The following CAPN14 variants were observed in gnomAD, a reference collection of about 807,000 sequenced individuals.
The protein encoded by CAPN14 is calpain 14, also known as calpain-14.
In CAPN14, 94 loss-of-function variants were observed where a neutral mutation model predicts 101.3. The observed-to-expected ratio is 0.93, with a 90% CI of 0.79 to 1.10. CAPN14 has a LOEUF of 1.10. Ranked by LOEUF, CAPN14 falls within the 50% of genes least tolerant of loss-of-function variation. CAPN14 has a pLI of 0.00. For synonymous variants in CAPN14, 338 were observed against 317.9 expected (o/e 1.06, Z -0.67); for missense variants, 837 against 828.4 (o/e 1.01, Z -0.13).
intron 16 of CAPN14, among the ~76,000 whole-genome samples, chr2:31,182,398 C>T (rs1314093561): frequency 6.8e-6 from 1 of 146,006 alleles, no homozygotes; most frequent in Non-Finnish European, 1.5e-5. Context: ...TCAAATTGTC[C>T]CTGTTTGCAG....
upstream of CAPN14, among the ~76,000 whole-genome samples, chr2:31,220,682 A>C (rs933642041): frequency 2.5e-4 from 38 of 152,214 alleles, no homozygotes; most frequent in African/African-American, 7.7e-4. Context: ...TGCACAAATT[A>C]GCTGGGTGTG....
intron 16 of CAPN14, among the ~76,000 whole-genome samples, chr2:31,183,386 A>G (rs2148675152): frequency 1.3e-5 from 2 of 152,356 alleles, no homozygotes; most frequent in East Asian, 3.9e-4. Flanking sequence ...AACTGCCATC[A>G]GAGTGAACAG....
chr2:31,219,309 C>T (rs1682790680), upstream of CAPN14, among the ~76,000 whole-genome samples: 1 of 152,194 alleles, frequency 6.6e-6, no homozygotes, highest in Admixed American at 6.5e-5. Context: ...TGCACAGCAG[C>T]ACTGTGGCCT....
At position 31,201,963 on chromosome 2, in the gene CAPN14, G is replaced by C. The variant is rs370282224; in HGVS notation, c.450C>G (p.Ile150Met). 2.9e-4 allele frequency: 456 copies of C among 1,551,716 alleles called. No individual in the cohort carries two copies. In the African/African-American group the frequency reaches 3.1e-3, roughly 11 times the overall value. Residue 150 changes from isoleucine to methionine, a missense_variant, in exon 5 of 22, where the codon ATC becomes ATG. By Grantham distance (10) the Ile-to-Met change is conservative (BLOSUM62 1). Transcript: ENST00000403897. ...WHYGNWVPVV[I>M]DDRLPVNEAG... ...CCTCATTCACAGGCAGACGGTCATC[G>C]ATCACCACAGGAACCCAGTTCCCAT...
chr2:31,230,319 T>C lies in CAPN14; in HGVS notation c.-177+3472A>G, dbSNP rs1683152472. ...ACAAATAATGTTGCCATCAACATTC[T>C]TAAGACTTATCTCCCTATGCACATG... On this transcript the variant is annotated intron_variant and NMD_transcript_variant, in intron 1 of 21. Transcript: ENST00000398824. This position sits in a 1 kb window ranked among gnomAD's most constrained non-coding sequence, Gnocchi z 4.3. Among the ~76,000 whole-genome samples the C allele has an allele frequency of 6.6e-6, 1 of 151,700 alleles. No individual in the cohort carries two copies. The highest frequency in any genetic ancestry group is 2.1e-4 in the South Asian group (1 of 4,796).
intron 2 of CAPN14, among the ~76,000 whole-genome samples, chr2:31,204,498 G>A (rs1681969264): frequency 6.6e-6 from 1 of 152,240 alleles, no homozygotes; most frequent in Admixed American, 6.5e-5. Context: ...GGGAGTTTCA[G>A]CCCCACCCCC....
upstream of CAPN14, chr2:31,217,625 G>A (rs1421680803): frequency 6.6e-6 from 1 of 152,280 alleles, no homozygotes; most frequent in Non-Finnish European, 1.5e-5. Context: ...CCCACTGTGT[G>A]TTCTCTGGAA....
At chr2:31,179,931 T>A (rs559261825) in intron 17 of CAPN14, among the ~76,000 whole-genome samples, 2 of 152,208 alleles carry the variant, frequency 1.3e-5, no homozygotes, top group African/African-American at 4.8e-5. Flanking sequence ...GATTTAAATT[T>A]AAAAAATAGT....
chr2:31,193,199 G>GTCCAC lies in CAPN14; in HGVS notation c.1041_1045dup (p.Thr349SerfsTer48). 1.3e-6 allele frequency: 2 copies of GTCCAC among 1,551,618 alleles called. No homozygotes were observed. The highest frequency in any genetic ancestry group is 1.7e-6 in the Non-Finnish European group (2 of 1,147,016). On this transcript the variant is annotated frameshift_variant, in exon 10 of 22. Transcript: ENST00000403897. LOFTEE classifies it high-confidence loss of function. ...CCATCTCCCCTCCCGCATGGTGTAC[G>GTCCAC]TCCACTTCTGGGCCGCCTCCTGGCT...
intron 13 of CAPN14, 147 bp from the exon 14 acceptor site, chr2:31,188,501 T>A (rs1351408561): frequency 2.9e-6 from 2 of 699,546 alleles, no homozygotes; most frequent in Non-Finnish European, 5.1e-6. Flanking sequence ...CACCTCCTGC[T>A]TCCCCTTGAA....
chr2:31,193,048 G>A (rs1415554626), intron 10 of CAPN14, 83 bp downstream of exon 10: 44 of 1,341,318 alleles, frequency 3.3e-5, no homozygotes, highest in African/African-American at 1.7e-4. Flanking sequence ...TGCAGAATTC[G>A]TGCTGCAACC....
intron 1 of CAPN14, among the ~76,000 whole-genome samples, chr2:31,231,515 C>A (rs1294740890): frequency 6.6e-6 from 1 of 152,104 alleles, no homozygotes; most frequent in East Asian, 1.9e-4. Flanking sequence ...TGAATATTAT[C>A]TTTCATGACC....
At position 31,230,803 on chromosome 2, in the gene CAPN14, G is replaced by A. The variant is rs1294346633; in HGVS notation, c.-177+2988C>T. Among the ~76,000 whole-genome samples the A allele has an allele frequency of 6.6e-6, 1 of 152,090 alleles. No individual in the cohort carries two copies. The highest frequency in any genetic ancestry group is 1.5e-5 in the Non-Finnish European group (1 of 68,016). The stretch of plus-strand genomic sequence containing the variant: ...TTCACTCACTTTTGTATTTTTAGTT[G>A]AACGAAAGTTTTAAATTTTGCTAGT... On this transcript the variant is annotated intron_variant and NMD_transcript_variant, in intron 1 of 21. Coordinates refer to the CAPN14 transcript ENST00000398824. The surrounding 1 kb of genome is among the most constrained non-coding windows in gnomAD (Gnocchi z 4.3).
intron 11 of CAPN14, 122 bp from the exon 12 acceptor site, chr2:31,191,529 C>A: frequency 1.1e-6 from 1 of 938,448 alleles, no homozygotes; most frequent in Non-Finnish European, 1.6e-6. Context: ...CAAGGCTCTA[C>A]CCAGAAGCCG....
intron 8 of CAPN14, among the ~76,000 whole-genome samples, chr2:31,195,998 T>C (rs1252127211): frequency 6.6e-6 from 1 of 151,866 alleles, no homozygotes; most frequent in Admixed American, 6.6e-5. Flanking sequence ...AATTAGCAGA[T>C]AAGGACATTA....
intron 2 of CAPN14, among the ~76,000 whole-genome samples, chr2:31,204,299 G>C (rs909078794): frequency 3.9e-5 from 6 of 152,216 alleles, no homozygotes; most frequent in Non-Finnish European, 7.3e-5. Context: ...GACCTGGTGT[G>C]ATATTGTGAA....
At chr2:31,233,004 G>C (rs35127753) in intron 1 of CAPN14, among the ~76,000 whole-genome samples, 1 of 152,100 alleles carries the variant, frequency 6.6e-6, no homozygotes, top group Admixed American at 6.6e-5. Flanking sequence ...GTTTATTATT[G>C]GGTTTAAATT....
chr2:31,189,626 G>A (rs1202800354), intron 12 of CAPN14, 148 bp from the exon 13 acceptor site: 2 of 727,126 alleles, frequency 2.8e-6, no homozygotes, highest in Non-Finnish European at 4.9e-6. Flanking sequence ...AACAAGTGGG[G>A]AGGAAAGGAA....
At chr2:31,181,431 T>TTTCC (rs1558612422) in intron 16 of CAPN14, among the ~76,000 whole-genome samples, 49 of 148,608 alleles carry the variant, frequency 3.3e-4, no homozygotes, top group Middle Eastern at 3.4e-3. Context: ...TCTTTCTTTC[T>TTTCC]TTCTTTCTTT....
Sources: allele counts gnomAD v4.1 joint callset (sites outside exome capture counted in the v4.1 genomes callset), GRCh38; gene constraint gnomAD v4.1.1; non-coding constraint Gnocchi (gnomAD v3.1); transcripts MANE v1.5; gene names NCBI Gene and HGNC (gene_info 2026-07-23, HGNC 2026-07-21).